REEP3: variants seen among roughly 807,000 people sequenced by gnomAD.
REEP3 encodes the protein receptor expression-enhancing protein 3.
REEP3 carries 20 observed loss-of-function variants against 41.3 expected under a neutral mutation model. The observed-to-expected ratio is 0.48, with a 90% CI of 0.34 to 0.70. The LOEUF is 0.70. REEP3 is among the 30% of genes least tolerant of loss of function. The pLI is 0.01. For synonymous variants in REEP3, 104 were observed against 101.8 expected (o/e 1.02, Z -0.13); for missense variants, 271 against 308.8 (o/e 0.88, Z 0.92).
intron 1 of REEP3, among the ~76,000 whole-genome samples, chr10:63,552,023 C>T (rs1414282728): frequency 1.3e-5 from 2 of 152,034 alleles, no homozygotes. Context: ...GAGTAAGTGG[C>T]CAACATTATG....
intron 1 of REEP3, among the ~76,000 whole-genome samples, chr10:63,551,144 G>A (rs994123875): frequency 6.6e-6 from 1 of 152,100 alleles, no homozygotes; most frequent in African/African-American, 2.4e-5. Context: ...GAATGGGCAG[G>A]AAATATACAT....
chr10:63,562,475 T>G (rs1044811028), intron 1 of REEP3: 2 of 441,890 alleles, frequency 4.5e-6, no homozygotes, highest in African/African-American at 4.0e-5. Flanking sequence ...CAAGCTGGTC[T>G]CGAACTCCTG....
chr10:63,558,539 C>A (rs957531467), intron 1 of REEP3, among the ~76,000 whole-genome samples: 7 of 152,096 alleles, frequency 4.6e-5, no homozygotes, highest in Non-Finnish European at 7.4e-5. Context: ...GCAATCCCAG[C>A]ACTTTGGGAG....
chr10:63,536,460 A>G (rs966015805), intron 1 of REEP3, among the ~76,000 whole-genome samples: 5 of 152,300 alleles, frequency 3.3e-5, no homozygotes. Context: ...TCCTCAGGAT[A>G]TAGAATTTTA....
chr10:63,556,846 G>A (rs985195840), intron 1 of REEP3, among the ~76,000 whole-genome samples: 4 of 149,516 alleles, frequency 2.7e-5, no homozygotes, highest in South Asian at 4.3e-4. Context: ...CGTTTTAGCC[G>A]GGATGGTCTC....
chr10:63,521,976 T>C (rs1351829663), intron 1 of REEP3: 1 of 151,652 alleles, frequency 6.6e-6, no homozygotes, highest in African/African-American at 2.4e-5. Context: ...GCCTCGCAGC[T>C]GCTCCCTGCG....
intron 6 of REEP3, among the ~76,000 whole-genome samples, chr10:63,611,736 A>T (rs1156739490): frequency 6.6e-6 from 1 of 151,874 alleles, no homozygotes; most frequent in Non-Finnish European, 1.5e-5. Flanking sequence ...AATAAAAATT[A>T]AAAAAACTGT....
chr10:63,569,052 A>G (rs1288370606), intron 2 of REEP3, among the ~76,000 whole-genome samples: 1 of 152,230 alleles, frequency 6.6e-6, no homozygotes, highest in Non-Finnish European at 1.5e-5. Context: ...TATTATTAAT[A>G]TACTTACAGT....
chr10:63,526,444 C>G (rs914594348), intron 1 of REEP3, among the ~76,000 whole-genome samples: 14 of 152,076 alleles, frequency 9.2e-5, no homozygotes, highest in Admixed American at 7.9e-4. Context: ...AGGAATATTT[C>G]TGAGTCAAAC....
intron 6 of REEP3, among the ~76,000 whole-genome samples, chr10:63,610,853 G>A (rs567438989): frequency 2.0e-5 from 3 of 152,194 alleles, no homozygotes; most frequent in East Asian, 1.9e-4. Flanking sequence ...GGCGGATCAC[G>A]AGGTTAGGAG....
chr10:63,521,949 G>A (rs951068556), intron 1 of REEP3: 2 of 151,106 alleles, frequency 1.3e-5, no homozygotes, highest in African/African-American at 2.4e-5. Context: ...ACCGCCCTGC[G>A]GGCCCGGGAG....
intron 1 of REEP3, among the ~76,000 whole-genome samples, chr10:63,533,376 T>G (rs542450440): frequency 1.3e-5 from 2 of 152,236 alleles, no homozygotes; most frequent in African/African-American, 4.8e-5. Flanking sequence ...ACCGTTATTG[T>G]CATGATCAGT....
At chr10:63,523,430 A>G (rs745742173) in intron 1 of REEP3, among the ~76,000 whole-genome samples, 8 of 152,172 alleles carry the variant, frequency 5.3e-5, no homozygotes, top group Non-Finnish European at 1.0e-4. Flanking sequence ...CACAAGAGTT[A>G]GAGACCAGCC....
At position 63,566,372 on chromosome 10, in the gene REEP3, T is replaced by G; in HGVS notation, c.67T>G (p.Ser23Ala). The G allele has an allele frequency of 6.4e-7, 1 of 1,553,860 alleles. No homozygotes were observed. Among genetic ancestry groups the G allele is most frequent in the Non-Finnish European group, 8.7e-7 (1 of 1,145,632 alleles). The change falls in exon 2 of 8, where the codon TCA (serine) becomes GCA (alanine). Residue 23 changes from serine (S) to alanine (A), a missense_variant. Physicochemically the swap from Ser to Ala is moderately conservative, Grantham distance 99 (BLOSUM62 1). Transcript: ENST00000373758. Reference sequence around the variant, plus strand: ...TGGAATGCTTTATCCTGCATATTATTCATACAAAGCTGTGAAAACAAAAAA... The same window carrying G: ...TGGAATGCTTTATCCTGCATATTATGCATACAAAGCTGTGAAAACAAAAAA... Reference protein sequence around the residue: ...VFGMLYPAYYSYKAVKTKNVK... With the variant: ...VFGMLYPAYYAYKAVKTKNVK...
chr10:63,526,435 G>A (rs1254011323), intron 1 of REEP3, among the ~76,000 whole-genome samples: 2 of 151,940 alleles, frequency 1.3e-5, no homozygotes, highest in Non-Finnish European at 2.9e-5. Context: ...AAATACAAGA[G>A]GAATATTTCT....
chr10:63,610,435 G>C (rs1020693200), intron 6 of REEP3, 101 bp downstream of exon 6: 4 of 1,165,578 alleles, frequency 3.4e-6, no homozygotes, highest in East Asian at 2.6e-5. Context: ...AGGAGAGGGA[G>C]AGCATTAGGA....
chr10:63,531,715 CTTTACGAGATA>C, intron 1 of REEP3, among the ~76,000 whole-genome samples: 1 of 152,144 alleles, frequency 6.6e-6, no homozygotes, highest in Non-Finnish European at 1.5e-5. Flanking sequence ...TGAAGTGATC[CTTTACGAGATA>C]TAGTCCGCTC....
chr10:63,539,211 C>T (rs376712746), intron 1 of REEP3, among the ~76,000 whole-genome samples: 80 of 152,068 alleles, frequency 5.3e-4, no homozygotes, highest in African/African-American at 1.9e-3. Context: ...TGGCCATTTA[C>T]TTCTTTTACT....
intron 5 of REEP3, chr10:63,599,708 T>C: frequency 1.0e-6 from 1 of 984,386 alleles, no homozygotes; most frequent in Non-Finnish European, 1.2e-6. Flanking sequence ...TTCAATCAAT[T>C]TGAGGTAACC....
Sources: allele counts gnomAD v4.1 joint callset (sites outside exome capture counted in the v4.1 genomes callset), GRCh38; gene constraint gnomAD v4.1.1; transcripts MANE v1.5; gene names NCBI Gene and HGNC (gene_info 2026-07-23, HGNC 2026-07-21).